Variants in CAMTA1 observed in about 807,000 individuals in gnomAD.
CAMTA1 encodes calmodulin-binding transcription activator 1.
Under a neutral mutation model 170.9 loss-of-function variants are expected in CAMTA1, and 27 were observed. That is an observed-to-expected ratio of 0.16 (90% confidence interval 0.12 to 0.22). The LOEUF (loss-of-function observed/expected upper bound fraction) is 0.22, where lower values mean the gene tolerates loss of function less well. CAMTA1 is among the 10% of genes least tolerant of loss of function. CAMTA1 has a pLI of 1.00. For synonymous variants in CAMTA1, 833 were observed against 891.5 expected, an observed-to-expected ratio of 0.93 and a Z score of 1.17; for missense variants, 1,619 against 2,217.2, an observed-to-expected ratio of 0.73 and a Z score of 5.42.
intron 3 of CAMTA1, among the ~76,000 whole-genome samples, chr1:7,071,110 T>TC (rs1272571799): frequency 6.6e-6 from 1 of 152,048 alleles, no homozygotes; most frequent in Non-Finnish European, 1.5e-5. Flanking sequence ...GGAGCGAGCC[T>TC]CCCCCTCCTC....
intron 6 of CAMTA1, among the ~76,000 whole-genome samples, chr1:7,480,049 G>A (rs2093488252): frequency 1.3e-5 from 2 of 151,794 alleles, no homozygotes; most frequent in African/African-American, 2.4e-5. Flanking sequence ...CCATGTGTGA[G>A]TCCGTATGAG....
In CAMTA1 at chr1:7,041,777, C is replaced by T. The variant is rs897953374; in HGVS notation, c.235-49527C>T. ...TGAATTCCAAAGAATATCAGGAGAG[C>T]GAACCAGTCTGTCTTCATATTCAAA... On this transcript the variant is annotated intron_variant, in intron 3 of 22. Transcript: ENST00000303635. This position sits in a 1 kb window ranked among gnomAD's most constrained non-coding sequence, Gnocchi z 5.1. Among the ~76,000 whole-genome samples the T allele has an allele frequency of 1.3e-5, 2 of 152,154 alleles. No homozygotes were observed. Among genetic ancestry groups the T allele is most frequent in the Non-Finnish European group, 2.9e-5 (2 of 68,022 alleles).
At chr1:7,304,298 A>G (rs1404141720) in intron 5 of CAMTA1, among the ~76,000 whole-genome samples, 1 of 152,222 alleles carries the variant, frequency 6.6e-6, no homozygotes, top group Non-Finnish European at 1.5e-5. Flanking sequence ...CGAATGCACA[A>G]TGTTTAAATT....
intron 4 of CAMTA1, among the ~76,000 whole-genome samples, chr1:7,157,281 C>G (rs976931310): frequency 2.2e-5 from 3 of 138,562 alleles, no homozygotes; most frequent in Non-Finnish European, 4.5e-5. Flanking sequence ...GGAGGCAGAG[C>G]TTGCAGTGAG....
intron 11 of CAMTA1, among the ~76,000 whole-genome samples, chr1:7,718,719 A>G (rs1387558079): frequency 1.3e-5 from 2 of 151,682 alleles, no homozygotes; most frequent in Non-Finnish European, 2.9e-5. Flanking sequence ...TACCATGCCC[A>G]GCTAATTTTT....
rs755484820 is a variant in CAMTA1 at position 7,663,431 on chromosome 1, G to T, written c.884G>T (p.Gly295Val). Residue 295 changes from glycine to valine, a missense_variant, in exon 9 of 23, where the codon GGG (glycine) becomes GTG (valine). Transcript: ENST00000303635. ...IISPKVEPRT[G>V]GYGSHSEVQH... is the part of the protein sequence containing the mutation. ...TCGCCCAAGGTGGAGCCACGGACAGGGGGGTACGGGAGCCACTCGGAGGTG... is the reference window on the plus strand; with the variant it reads ...TCGCCCAAGGTGGAGCCACGGACAGTGGGGTACGGGAGCCACTCGGAGGTG... 6 of 1,573,028 alleles carry T rather than the reference G, an allele frequency of 3.8e-6. No homozygotes were observed. Among genetic ancestry groups the T allele is most frequent in the South Asian group, 1.2e-5 (1 of 85,594 alleles).
chr1:7,288,709 T>G (rs1672686587), intron 5 of CAMTA1, among the ~76,000 whole-genome samples: 1 of 152,174 alleles, frequency 6.6e-6, no homozygotes, highest in Non-Finnish European at 1.5e-5. Context: ...AGATCCCTGG[T>G]GCCCATGCAA....
chr1:7,494,521 G>A (rs1725270), intron 6 of CAMTA1, among the ~76,000 whole-genome samples: 85,952 of 151,936 alleles, frequency 0.57, 24,818 homozygotes, highest in East Asian at 0.73. Flanking sequence ...GGACCAAGAG[G>A]GGCCGGGTGC....
chr1:7,066,786 T>C (rs1046137664), intron 3 of CAMTA1, among the ~76,000 whole-genome samples: 1 of 152,244 alleles, frequency 6.6e-6, no homozygotes, highest in Non-Finnish European at 1.5e-5. Flanking sequence ...CCTGGACTTT[T>C]CCTGAATAAT....
At chr1:7,114,454 C>A (rs6577414) in intron 4 of CAMTA1, among the ~76,000 whole-genome samples, 111,187 of 146,964 alleles carry the variant, frequency 0.76, 41,939 homozygotes, top group Middle Eastern at 0.89. Context: ...CCAGAAAAAA[C>A]AAAAAAAAGA....
intron 4 of CAMTA1, among the ~76,000 whole-genome samples, chr1:7,221,773 C>A (rs142074568): frequency 6.6e-6 from 1 of 152,190 alleles, no homozygotes; most frequent in East Asian, 1.9e-4. Flanking sequence ...GATAATGATT[C>A]CTGCCTAGTG....
chr1:7,673,828 T>C lies in CAMTA1; in HGVS notation c.2779+2791T>C, dbSNP rs116126303. On this transcript the variant is annotated intron_variant, in intron 10 of 22. Coordinates refer to ENST00000303635, the MANE Select transcript of CAMTA1 (RefSeq NM_015215.4). The surrounding 1 kb of genome is among the most constrained non-coding windows in gnomAD (Gnocchi z 4.6). ...CATTTCTTCATTTGCCAAATAACTT[T>C]TGAGTAGCCCCTGCTTGCTCTGCAC... Among the ~76,000 whole-genome samples, 764 of 152,322 alleles carry C rather than the reference T, an allele frequency of 5.0e-3. 8 individuals are homozygous for C. The highest frequency in any genetic ancestry group is 8.3e-3 in the Non-Finnish European group (566 of 68,028).
At chr1:7,621,634 C>T (rs1296299987) in intron 6 of CAMTA1, among the ~76,000 whole-genome samples, 3 of 152,230 alleles carry the variant, frequency 2.0e-5, no homozygotes, top group African/African-American at 7.2e-5. Flanking sequence ...CAGCCCAACA[C>T]TCTGTGTCAT....
intron 5 of CAMTA1, among the ~76,000 whole-genome samples, chr1:7,375,420 A>G (rs1574993375): frequency 6.6e-6 from 1 of 152,116 alleles, no homozygotes; most frequent in East Asian, 1.9e-4. Flanking sequence ...CAGGAGCAAA[A>G]TCCTGTTTCA....
intron 4 of CAMTA1, among the ~76,000 whole-genome samples, chr1:7,125,374 G>T (rs1644871714): frequency 6.6e-6 from 1 of 152,178 alleles, no homozygotes. Flanking sequence ...GCCATGCTGG[G>T]TGATGGGGAG....
intron 9 of CAMTA1, among the ~76,000 whole-genome samples, chr1:7,666,121 A>G (rs780364396): frequency 2.6e-5 from 4 of 151,512 alleles, no homozygotes; most frequent in Non-Finnish European, 5.9e-5. Context: ...GTGAGTCGAG[A>G]TCACGCCACT....
chr1:7,151,389 C>G lies in CAMTA1; in HGVS notation c.302+60018C>G, dbSNP rs77488454. 8.9e-3 allele frequency among the ~76,000 whole-genome samples: 1,349 copies of G among 152,320 alleles called. 19 individuals carry two copies. The highest frequency in any genetic ancestry group is 0.03 in the African/African-American group (1,250 of 41,576). ...TCGGCCCCTCTTTGCAGCGGGCAAC[C>G]CTGGATTGCCCAGCGAGGCTGCCTG... On this transcript the variant is annotated intron_variant, in intron 4 of 22. Coordinates refer to ENST00000303635, the MANE Select transcript of CAMTA1 (RefSeq NM_015215.4).
intron 5 of CAMTA1, among the ~76,000 whole-genome samples, chr1:7,330,012 C>T (rs2082923725): frequency 6.6e-6 from 1 of 152,198 alleles, no homozygotes; most frequent in African/African-American, 2.4e-5. Flanking sequence ...CTTGGGGCAC[C>T]TCAGCCCTCT....
chr1:7,501,053 G>A (rs75290211), intron 6 of CAMTA1, among the ~76,000 whole-genome samples: 6 of 152,246 alleles, frequency 3.9e-5, no homozygotes, highest in Non-Finnish European at 5.9e-5. Flanking sequence ...ACAGATCCTC[G>A]GAAGCGGTTA....
Sources: gnomAD v4.1 joint callset for allele counts (sites outside exome capture counted in the v4.1 genomes callset) on GRCh38, gnomAD v4.1.1 for gene constraint, Gnocchi (gnomAD v3.1) non-coding constraint, MANE v1.5 for transcripts, NCBI Gene and HGNC (gene_info 2026-07-23, HGNC 2026-07-21) for gene names.